COL28A1: variants seen among roughly 807,000 people sequenced by gnomAD.
The protein encoded by COL28A1 is collagen alpha-1(XXVIII) chain.
In COL28A1, 161 loss-of-function variants were observed where a neutral mutation model predicts 150.2. The ratio of observed to expected loss-of-function variants is 1.07; its 90% confidence interval spans 0.94 to 1.22. The LOEUF (loss-of-function observed/expected upper bound fraction) is 1.22, where lower values mean the gene tolerates loss of function less well. Among genes scored for constraint, COL28A1 ranks in the 50% most tolerant of loss-of-function variants. COL28A1 has a pLI of 0.00. For synonymous variants in COL28A1, 552 were observed against 469.7 expected (o/e 1.18, Z -2.26); for missense variants, 1,617 against 1,388.3 (o/e 1.16, Z -2.62).
chr7:7,451,494 GA>G (rs1443421253), intron 18 of COL28A1, among the ~76,000 whole-genome samples: 1 of 152,114 alleles, frequency 6.6e-6, no homozygotes, highest in Non-Finnish European at 1.5e-5. Flanking sequence ...AAAGTGCTGG[GA>G]TTACAGGTGT....
chr7:7,419,501 C>T (rs1784281024), intron 26 of COL28A1, among the ~76,000 whole-genome samples: 1 of 152,174 alleles, frequency 6.6e-6, no homozygotes, highest in African/African-American at 2.4e-5. Flanking sequence ...TACTGACACC[C>T]TGCCAGAGTA....
chr7:7,367,772 A>G (rs1583224434), intron 33 of COL28A1, among the ~76,000 whole-genome samples: 1 of 149,950 alleles, frequency 6.7e-6, no homozygotes, highest in Non-Finnish European at 1.5e-5. Context: ...TCCCTCAGGC[A>G]CCTCCACTTT....
the COL28A1 span, among the ~76,000 whole-genome samples, chr7:7,345,293 G>A: frequency 1.3e-5 from 2 of 151,754 alleles, no homozygotes; most frequent in African/African-American, 2.4e-5. Context: ...TAAAAAAAAA[G>A]CATACAGAAT....
chr7:7,465,092 C>CTTCCTAGCTTAAATCAGGAAGAATTA (rs1314299661), intron 15 of COL28A1, among the ~76,000 whole-genome samples: 2 of 151,926 alleles, frequency 1.3e-5, no homozygotes, highest in East Asian at 1.9e-4. Context: ...AAGATACAAC[C>CTTCCTAGCTTAAATCAGGAAGAATTA]GGGGGAGGAG....
intron 27 of COL28A1, among the ~76,000 whole-genome samples, chr7:7,415,561 T>G (rs2128306014): frequency 6.6e-6 from 1 of 152,146 alleles, no homozygotes; most frequent in South Asian, 2.1e-4. Context: ...TGAGACAGAG[T>G]CTAACTCTGT....
In COL28A1 at chr7:7,419,872, G is replaced by A; in HGVS notation, c.2067+13C>T. 6.3e-7 allele frequency: 1 copy of A among 1,576,194 alleles called. No homozygotes were observed. On this transcript the variant is annotated intron_variant, in intron 26 of 34. Coordinates refer to ENST00000399429, the MANE Select transcript of COL28A1 (RefSeq NM_001037763.3). Reference sequence around the variant, plus strand: ...ATCTGACCCTCACACAAAGCACTGAGCTGAGGACTCACCTTTGGCCCTTGG... The same window carrying A: ...ATCTGACCCTCACACAAAGCACTGAACTGAGGACTCACCTTTGGCCCTTGG...
chr7:7,509,547 T>G (rs1781008534), intron 9 of COL28A1, among the ~76,000 whole-genome samples: 1 of 152,190 alleles, frequency 6.6e-6, no homozygotes, highest in Admixed American at 6.5e-5. Flanking sequence ...TCTCATCAGT[T>G]CTAAGGCACA....
chr7:7,381,693 G>A (rs993558675), intron 27 of COL28A1, 81 bp from the exon 28 acceptor site: 64 of 872,154 alleles, frequency 7.3e-5, no homozygotes, highest in African/African-American at 1.0e-4. Flanking sequence ...ACACACTTAC[G>A]GTTTAAAACT....
chr7:7,531,199 G>C (rs1273739026), intron 3 of COL28A1, 149 bp downstream of exon 3: 5 of 477,698 alleles, frequency 1.0e-5, no homozygotes, highest in East Asian at 6.6e-5. Flanking sequence ...AGAAAGTGGA[G>C]TGACACTTCA....
At chr7:7,424,161 T>A (rs1784528853) in intron 25 of COL28A1, among the ~76,000 whole-genome samples, 1 of 152,230 alleles carries the variant, frequency 6.6e-6, no homozygotes, top group African/African-American at 2.4e-5. Context: ...CTGCAGATAT[T>A]AGAATTGGTC....
At chr7:7,538,147 C>A (rs144444331), upstream of COL28A1, among the ~76,000 whole-genome samples, 6 of 152,252 alleles carry the variant, frequency 3.9e-5, no homozygotes, top group East Asian at 1.2e-3. Context: ...GAAGATTATG[C>A]AAAATAAAAT....
intron 11 of COL28A1, among the ~76,000 whole-genome samples, chr7:7,491,576 A>G (rs983210202): frequency 6.6e-6 from 1 of 152,256 alleles, no homozygotes; most frequent in Non-Finnish European, 1.5e-5. Context: ...GCATTTTGAA[A>G]TAATAATAGC....
chr7:7,429,342 G>T (rs1279147379), intron 25 of COL28A1, among the ~76,000 whole-genome samples: 1 of 152,124 alleles, frequency 6.6e-6, no homozygotes, highest in African/African-American at 2.4e-5. Flanking sequence ...ACTTTACCAA[G>T]CAAGAAGGGC....
At chr7:7,398,390 T>A (rs990163987) in intron 27 of COL28A1, among the ~76,000 whole-genome samples, 2 of 152,222 alleles carry the variant, frequency 1.3e-5, no homozygotes, top group African/African-American at 4.8e-5. Flanking sequence ...ATAAAGTGAT[T>A]GGACAAGTAG....
intron 18 of COL28A1, among the ~76,000 whole-genome samples, chr7:7,450,831 G>A (rs758260289): frequency 5.3e-5 from 8 of 152,038 alleles, no homozygotes; most frequent in Non-Finnish European, 1.0e-4. Context: ...TCATACAGTG[G>A]AATACTATAA....
rs367945767 is a variant in COL28A1, at chr7:7,444,483, G to A, written c.1516C>T (p.Pro506Ser). The change falls in exon 19 of 35, where the codon CCA (proline) becomes TCA (serine). Residue 506 changes from proline (P) to serine (S), a missense_variant. Transcript: ENST00000399429. ...GIGVQGPKGE[P>S]GSIGLPGQPG... ...TGTCCTGGGAGCCCTATTGAGCCTG[G>A]CTCTCCCTGGTGAATGAACAAATAT... The A allele has an allele frequency of 3.1e-6, 5 of 1,613,570 alleles. No individual in the cohort carries two copies. The South Asian group carries it at 4.4e-5, about 14-fold the overall frequency.
At chr7:7,517,987 CAAAA>C (rs67184564) in intron 6 of COL28A1, 150 bp from the exon 7 acceptor site, 1,141 of 517,586 alleles carry the variant, frequency 2.2e-3, no homozygotes, top group South Asian at 2.5e-3. Flanking sequence ...GCAATCTAGG[CAAAA>C]AAAAAAAAAA....
At chr7:7,453,400 C>G in intron 17 of COL28A1, 40 bp downstream of exon 17, 1 of 889,842 alleles carries the variant, frequency 1.1e-6, no homozygotes, top group Non-Finnish European at 1.9e-6. Flanking sequence ...AGCAATTATA[C>G]TATAGATATA....
Position 7,373,681 on chromosome 7 carries a change from T to G in COL28A1, c.2360-135A>C, listed in dbSNP as rs1382540850. ...CCTTTTCTGTGATTGTGAAAATACCTGACAGCTGTCTCCATTCTGGTTTCT... is the reference window on the plus strand; with the variant it reads ...CCTTTTCTGTGATTGTGAAAATACCGGACAGCTGTCTCCATTCTGGTTTCT... On this transcript the variant is annotated intron_variant, in intron 31 of 34. Transcript: ENST00000399429. The surrounding 1 kb of genome is among the most constrained non-coding windows in gnomAD (Gnocchi z 4.1). 4.2e-6 allele frequency: 3 copies of G among 710,700 alleles called. No individual in the cohort carries two copies. The highest frequency in any genetic ancestry group is 6.8e-6 in the Non-Finnish European group (3 of 438,388). 44.0% of individuals were successfully genotyped at this position (710,700 alleles called of 1,614,324 possible). A position where few individuals can be genotyped will look rare whatever the true frequency, so the allele number is the denominator to read the frequency against.
Sources: allele counts gnomAD v4.1 joint callset (sites outside exome capture counted in the v4.1 genomes callset), GRCh38; gene constraint gnomAD v4.1.1; non-coding constraint Gnocchi (gnomAD v3.1); transcripts MANE v1.5; gene names NCBI Gene and HGNC (gene_info 2026-07-23, HGNC 2026-07-21).